The following MYT1L variants were observed in gnomAD, a reference collection of about 807,000 sequenced individuals.
MYT1L encodes myelin transcription factor 1-like protein.
A neutral mutation model predicts 126.7 loss-of-function variants in MYT1L; 12 were observed. The observed-to-expected ratio is 0.09, with a 90% CI of 0.06 to 0.15. MYT1L has a LOEUF of 0.15. Among genes scored for constraint, MYT1L ranks in the 10% least tolerant of loss-of-function variants. The probability of loss-of-function intolerance (pLI) is 1.00; values close to 1 mark genes in which losing one functional copy is unlikely to be tolerated. For missense variants in MYT1L, 979 were observed against 1,585.2 expected, an observed-to-expected ratio of 0.62 and a Z score of 6.49; for synonymous variants, 541 against 604.2, an observed-to-expected ratio of 0.90 and a Z score of 1.53.
intron 4 of MYT1L, among the ~76,000 whole-genome samples, chr2:1,997,734 G>A (rs2061993152): frequency 6.6e-6 from 1 of 152,152 alleles, no homozygotes; most frequent in African/African-American, 2.4e-5. Flanking sequence ...CTCAGCCCGT[G>A]TGGCAGCATC....
At chr2:2,065,852 A>G (rs936335979) in intron 3 of MYT1L, among the ~76,000 whole-genome samples, 21 of 150,878 alleles carry the variant, frequency 1.4e-4, no homozygotes, top group South Asian at 2.1e-4. Flanking sequence ...ACACACGCAC[A>G]CACACACACA....
chr2:2,216,289 A>G (rs2093674988), intron 2 of MYT1L, among the ~76,000 whole-genome samples: 1 of 152,210 alleles, frequency 6.6e-6, no homozygotes, highest in African/African-American at 2.4e-5. Flanking sequence ...TAAATTTAAA[A>G]GGATTTAACT....
intron 1 of MYT1L, among the ~76,000 whole-genome samples, chr2:2,320,066 T>G: frequency 6.6e-6 from 1 of 152,004 alleles, no homozygotes; most frequent in East Asian, 1.9e-4. Context: ...CACTGAAAAC[T>G]TTAAAATGCA....
At chr2:1,794,519 C>T (rs2032993402) in intron 23 of MYT1L, among the ~76,000 whole-genome samples, 1 of 152,262 alleles carries the variant, frequency 6.6e-6, no homozygotes, top group African/African-American at 2.4e-5. Context: ...TCCAACTGCT[C>T]CCCCGGCTTA....
intron 3 of MYT1L, among the ~76,000 whole-genome samples, chr2:2,100,086 A>G (rs763324245): frequency 8.1e-4 from 123 of 152,328 alleles, no homozygotes; most frequent in Non-Finnish European, 1.4e-3. Flanking sequence ...TGTGGCAGGT[A>G]TATTAAACTT....
At chr2:1,857,302 T>A (rs13387487) in intron 18 of MYT1L, among the ~76,000 whole-genome samples, 30,837 of 152,106 alleles carry the variant, frequency 0.2, 4,106 homozygotes, top group African/African-American at 0.38. Flanking sequence ...TTATTTTTTT[T>A]AAAAGTCTTC....
At chr2:2,298,422 G>A (rs2095731476) in intron 1 of MYT1L, among the ~76,000 whole-genome samples, 1 of 151,590 alleles carries the variant, frequency 6.6e-6, no homozygotes, top group African/African-American at 2.4e-5. Flanking sequence ...TATTCCAGCA[G>A]GAGGAATGTT....
intron 13 of MYT1L, among the ~76,000 whole-genome samples, chr2:1,908,463 G>A (rs1187361803): frequency 4.6e-5 from 7 of 152,022 alleles, no homozygotes; most frequent in African/African-American, 1.2e-4. Flanking sequence ...AGGGCAGCCC[G>A]AAGGTGGGCA....
chr2:2,001,422 A>T (rs1292010223), intron 4 of MYT1L, among the ~76,000 whole-genome samples: 1 of 152,176 alleles, frequency 6.6e-6, no homozygotes, highest in Non-Finnish European at 1.5e-5. Context: ...TTGTCTTTAC[A>T]AAAGGATAGA....
At chr2:1,904,995 A>G (rs1010543808) in intron 13 of MYT1L, among the ~76,000 whole-genome samples, 5 of 151,370 alleles carry the variant, frequency 3.3e-5, no homozygotes, top group African/African-American at 1.2e-4. Flanking sequence ...ACGGGGTTTC[A>G]CCATGTTAGC....
intron 1 of MYT1L, chr2:2,306,201 A>G (rs750661041): frequency 3.3e-5 from 5 of 152,170 alleles, no homozygotes; most frequent in Non-Finnish European, 7.3e-5. Flanking sequence ...CCTCTCCAGT[A>G]TTTCAATTCA....
chr2:1,874,453 A>C (rs553859634), intron 18 of MYT1L, among the ~76,000 whole-genome samples: 39 of 152,288 alleles, frequency 2.6e-4, no homozygotes, highest in African/African-American at 8.4e-4. Flanking sequence ...CTTATCTCTC[A>C]GCTGCACCCT....
At chr2:2,002,787 G>A (rs1291191508) in intron 4 of MYT1L, among the ~76,000 whole-genome samples, 1 of 152,102 alleles carries the variant, frequency 6.6e-6, no homozygotes, top group East Asian at 1.9e-4. Flanking sequence ...CGGGGGCGGG[G>A]CAGTTTCCCC....
intron 3 of MYT1L, among the ~76,000 whole-genome samples, chr2:2,141,181 T>G (rs1314831366): frequency 1.3e-5 from 2 of 152,212 alleles, no homozygotes; most frequent in Non-Finnish European, 2.9e-5. Context: ...TTTTTATTCA[T>G]TCCTTCTGTA....
At chr2:2,302,557 A>G (rs1472030901) in intron 1 of MYT1L, among the ~76,000 whole-genome samples, 1 of 152,202 alleles carries the variant, frequency 6.6e-6, no homozygotes. Flanking sequence ...GCCACTAAAT[A>G]TGCTGATATA....
chr2:1,947,547 C>T (rs1344401654), intron 8 of MYT1L, among the ~76,000 whole-genome samples: 1 of 152,164 alleles, frequency 6.6e-6, no homozygotes, highest in Non-Finnish European at 1.5e-5. Context: ...GGGAGGCGGG[C>T]TGCCTCCTGC....
intron 3 of MYT1L, among the ~76,000 whole-genome samples, chr2:2,100,032 C>T (rs1000222534): frequency 7.9e-5 from 12 of 152,182 alleles, no homozygotes; most frequent in African/African-American, 2.9e-4. Flanking sequence ...TTTATATTGT[C>T]TGTGTGTGGT....
chr2:1,842,012 CA>C, intron 19 of MYT1L: 1 of 152,162 alleles, frequency 6.6e-6, no homozygotes, highest in East Asian at 1.9e-4. Flanking sequence ...ATACATAAAA[CA>C]AATGGGATTT....
intron 21 of MYT1L, among the ~76,000 whole-genome samples, chr2:1,830,942 G>A (rs2040078808): frequency 6.6e-6 from 1 of 152,194 alleles, no homozygotes; most frequent in South Asian, 2.1e-4. Flanking sequence ...TGGGGCTGGA[G>A]TAAGGCTCCC....
Sources: allele counts gnomAD v4.1 joint callset (sites outside exome capture counted in the v4.1 genomes callset), GRCh38; gene constraint gnomAD v4.1.1; transcripts MANE v1.5; gene names NCBI Gene and HGNC (gene_info 2026-07-23, HGNC 2026-07-21).